Variants in EPHA6 observed in about 807,000 individuals in gnomAD.
The protein encoded by EPHA6 is EPH receptor A6.
Under a neutral mutation model 112.0 loss-of-function variants are expected in EPHA6, and 50 were observed. The observed-to-expected ratio is 0.45, with a 90% confidence interval of 0.36 to 0.56. EPHA6 has a LOEUF of 0.56. Among genes scored for constraint, EPHA6 ranks in the 20% least tolerant of loss-of-function variants. The probability of loss-of-function intolerance (pLI) is 0.00; values close to 1 mark genes in which losing one functional copy is unlikely to be tolerated. For missense variants in EPHA6, 1,280 were observed against 1,417.4 expected, an observed-to-expected ratio of 0.90 and a Z score of 1.56; for synonymous variants, 529 against 490.7, an observed-to-expected ratio of 1.08 and a Z score of -1.03.
intron 16 of EPHA6, among the ~76,000 whole-genome samples, chr3:97,739,515 GTAA>G (rs1352789933): frequency 2.0e-5 from 3 of 152,078 alleles, no homozygotes; most frequent in African/African-American, 7.2e-5. Flanking sequence ...TATTGAAAAT[GTAA>G]TAATTTTATA....
chr3:97,049,382 A>G (rs1394300171), intron 3 of EPHA6, among the ~76,000 whole-genome samples: 1 of 152,200 alleles, frequency 6.6e-6, no homozygotes, highest in Non-Finnish European at 1.5e-5. Context: ...TTAATTTGGA[A>G]CATGTATGAC....
At chr3:96,855,683 G>GAA (rs764764086) in intron 1 of EPHA6, among the ~76,000 whole-genome samples, 46 of 132,306 alleles carry the variant, frequency 3.5e-4, no homozygotes, top group African/African-American at 6.3e-4. Flanking sequence ...CTTTGAAAAT[G>GAA]AAAAAAAAAA....
At chr3:96,994,880 G>A (rs1232000921) in intron 3 of EPHA6, among the ~76,000 whole-genome samples, 1 of 149,436 alleles carries the variant, frequency 6.7e-6, no homozygotes, top group African/African-American at 2.5e-5. Context: ...ATATATATAT[G>A]TATCACTCAG....
chr3:97,534,387 A>G (rs1274381068), intron 11 of EPHA6, among the ~76,000 whole-genome samples: 1 of 151,566 alleles, frequency 6.6e-6, no homozygotes, highest in South Asian at 2.1e-4. Context: ...CCACATAAGG[A>G]CCTTTAACCT....
chr3:97,126,930 G>A (rs1167815033), intron 3 of EPHA6, among the ~76,000 whole-genome samples: 1 of 149,132 alleles, frequency 6.7e-6, no homozygotes, highest in East Asian at 2.0e-4. Context: ...AGATCTAATT[G>A]AGAAACGAAA....
chr3:97,194,224 G>A (rs2077381617), intron 3 of EPHA6, among the ~76,000 whole-genome samples: 1 of 151,294 alleles, frequency 6.6e-6, no homozygotes, highest in Non-Finnish European at 1.5e-5. Flanking sequence ...CTCTATCTTA[G>A]TAGTGAGTTC....
intron 1 of EPHA6, among the ~76,000 whole-genome samples, chr3:96,815,851 C>G (rs2032735838): frequency 6.6e-6 from 1 of 152,132 alleles, no homozygotes; most frequent in South Asian, 2.1e-4. Context: ...AAAAGTACCA[C>G]CTGCATATTC....
chr3:97,200,522 G>A (rs1260421897), intron 3 of EPHA6, among the ~76,000 whole-genome samples: 1 of 152,030 alleles, frequency 6.6e-6, no homozygotes, highest in South Asian at 2.1e-4. Context: ...CTGTCCTGTG[G>A]TGGTTTCAAC....
At chr3:97,153,665 A>T (rs1316178909) in intron 3 of EPHA6, among the ~76,000 whole-genome samples, 1 of 152,112 alleles carries the variant, frequency 6.6e-6, no homozygotes, top group Non-Finnish European at 1.5e-5. Context: ...GGAATAATTG[A>T]TATCTAATAA....
At chr3:97,410,442 T>C (rs1474383965) in intron 6 of EPHA6, among the ~76,000 whole-genome samples, 3 of 152,078 alleles carry the variant, frequency 2.0e-5, no homozygotes, top group African/African-American at 7.2e-5. Context: ...GGAAGAGAAT[T>C]TTATCTTTAC....
intron 2 of EPHA6, among the ~76,000 whole-genome samples, chr3:96,954,946 A>G (rs536772003): frequency 7.3e-5 from 11 of 150,820 alleles, no homozygotes; most frequent in African/African-American, 2.7e-4. Flanking sequence ...TGCCTTCTAC[A>G]TCTAGAATGC....
At chr3:97,008,056 C>T (rs1173920711) in intron 3 of EPHA6, among the ~76,000 whole-genome samples, 2 of 152,058 alleles carry the variant, frequency 1.3e-5, no homozygotes, top group African/African-American at 4.8e-5. Context: ...TCATTTCGAC[C>T]TTGGAGAATC....
chr3:97,710,926 A>G (rs1559619565), intron 14 of EPHA6, among the ~76,000 whole-genome samples: 1 of 152,188 alleles, frequency 6.6e-6, no homozygotes, highest in Non-Finnish European at 1.5e-5. Context: ...CACTTTATGT[A>G]ATTTATTTTC....
At chr3:96,860,220 A>G (rs2107422836) in intron 1 of EPHA6, among the ~76,000 whole-genome samples, 1 of 152,268 alleles carries the variant, frequency 6.6e-6, no homozygotes, top group South Asian at 2.1e-4. Flanking sequence ...TGTCCATGTA[A>G]ATGTAATGGA....
At chr3:97,057,957 C>T (rs1395538240) in intron 3 of EPHA6, among the ~76,000 whole-genome samples, 1 of 152,052 alleles carries the variant, frequency 6.6e-6, no homozygotes, top group African/African-American at 2.4e-5. Flanking sequence ...TTATATGTTG[C>T]ATTCTCATTT....
intron 10 of EPHA6, among the ~76,000 whole-genome samples, chr3:97,493,541 T>C (rs547882557): frequency 6.6e-6 from 1 of 152,008 alleles, no homozygotes; most frequent in African/African-American, 2.4e-5. Flanking sequence ...CTTAATTTCT[T>C]CCAAAAGACC....
rs531648935 is a variant in EPHA6, at chr3:97,059,128, C to A, written c.1114+71135C>A. ...TGGAGAATAAGAAAACTATTGTTTTCTTGGATGTAGGAGCAAAGAGAGGGA... is the reference window on the plus strand; with the variant it reads ...TGGAGAATAAGAAAACTATTGTTTTATTGGATGTAGGAGCAAAGAGAGGGA... On this transcript the variant is annotated intron_variant, in intron 3 of 17. Coordinates refer to ENST00000389672, the MANE Select transcript of EPHA6 (RefSeq NM_001080448.3). 3.3e-5 allele frequency among the ~76,000 whole-genome samples: 5 copies of A among 152,238 alleles called. No homozygotes were observed. The East Asian group carries it at 9.7e-4, about 29-fold the overall frequency.
chr3:97,486,654 T>C lies in EPHA6; in HGVS notation c.2200+2595T>C, dbSNP rs556329700. The stretch of plus-strand genomic sequence containing the variant: ...TCCAGTCATGAGGGCTGAGCCCTCA[T>C]GATCTAATTACCTCTTTAAGGTCCC... On this transcript the variant is annotated intron_variant, in intron 10 of 17. Coordinates refer to ENST00000389672, the MANE Select transcript of EPHA6 (RefSeq NM_001080448.3). Among the ~76,000 whole-genome samples the C allele has an allele frequency of 1.8e-3, 281 of 152,328 alleles. 2 individuals are homozygous for C. The highest frequency in any genetic ancestry group is 6.4e-3 in the African/African-American group (266 of 41,590).
At chr3:97,355,344 A>G (rs867162062) in intron 5 of EPHA6, among the ~76,000 whole-genome samples, 19 of 152,212 alleles carry the variant, frequency 1.2e-4, no homozygotes, top group Admixed American at 2.6e-4. Context: ...TATAAATAGA[A>G]ACAAGAAACA....
Sources: allele counts gnomAD v4.1 joint callset (sites outside exome capture counted in the v4.1 genomes callset), GRCh38; gene constraint gnomAD v4.1.1; transcripts MANE v1.5; gene names NCBI Gene and HGNC (gene_info 2026-07-23, HGNC 2026-07-21).